The following DCDC2 variants were observed in gnomAD, a reference collection of about 807,000 sequenced individuals.
DCDC2 encodes doublecortin domain containing 2.
A neutral mutation model predicts 50.2 loss-of-function variants in DCDC2; 40 were observed. The ratio of observed to expected loss-of-function variants is 0.80; its 90% CI spans 0.62 to 1.04. The LOEUF (loss-of-function observed/expected upper bound fraction) is 1.04. Among genes scored for constraint, DCDC2 ranks in the 50% least tolerant of loss-of-function variants. The probability of loss-of-function intolerance (pLI) is 0.00; values close to 1 mark genes in which losing one functional copy is unlikely to be tolerated. For synonymous variants in DCDC2, 234 were observed against 210.6 expected, an observed-to-expected ratio of 1.11 and a Z score of -0.96; for missense variants, 570 against 581.9, an observed-to-expected ratio of 0.98 and a Z score of 0.21.
At chr6:24,342,477 A>AGCTGGGCAGC (rs1280807002) in intron 2 of DCDC2, among the ~76,000 whole-genome samples, 1 of 152,226 alleles carries the variant, frequency 6.6e-6, no homozygotes. Flanking sequence ...GGAGTGTGGC[A>AGCTGGGCAGC]GCTGGGCAGC....
chr6:24,224,505 CGT>C (rs1318401273), intron 7 of DCDC2, among the ~76,000 whole-genome samples: 4 of 152,222 alleles, frequency 2.6e-5, no homozygotes, highest in Admixed American at 2.0e-4. Flanking sequence ...ACTTGGTGAG[CGT>C]GTGTGTGCAT....
In DCDC2 at chr6:24,288,846, A is replaced by C; in HGVS notation, c.759+6T>G. ...AACATCAACGAGGAAAGCATCTGAT[A>C]CTTACACTCCCTTTAGACTTTCTGG... On this transcript the variant is annotated splice_donor_region_variant and intron_variant, in intron 6 of 9. Coordinates refer to ENST00000378454, the MANE Select transcript of DCDC2 (RefSeq NM_016356.5). 1 of 1,610,378 alleles carries C rather than the reference A, an allele frequency of 6.2e-7. No homozygotes were observed. The highest frequency in any genetic ancestry group is 8.5e-7 in the Non-Finnish European group (1 of 1,176,886).
intron 7 of DCDC2, among the ~76,000 whole-genome samples, chr6:24,276,213 A>G (rs1763354385): frequency 6.6e-6 from 1 of 152,144 alleles, no homozygotes; most frequent in South Asian, 2.1e-4. Flanking sequence ...TGAACAAGGG[A>G]TATGTTAATA....
chr6:24,189,653 A>G (rs985474564), intron 8 of DCDC2, among the ~76,000 whole-genome samples: 15 of 152,116 alleles, frequency 9.9e-5, no homozygotes, highest in African/African-American at 3.4e-4. Context: ...CACAAATTAG[A>G]ATTTTTTAGT....
At chr6:24,295,854 GTCATGGATAGGAAGAATTAGTA>G (rs1759222607) in intron 4 of DCDC2, among the ~76,000 whole-genome samples, 1 of 152,042 alleles carries the variant, frequency 6.6e-6, no homozygotes, top group Non-Finnish European at 1.5e-5. Context: ...ACAGCCCATG[GTCATGGATAGGAAGAATTAGTA>G]TCATGAAAAT....
chr6:24,341,967 A>ACACACAC lies in DCDC2; in HGVS notation c.348+11601_348+11602insGTGTGTG. Among the ~76,000 whole-genome samples, 2 of 117,346 alleles carry ACACACAC rather than the reference A, an allele frequency of 1.7e-5. 1 individual carries two copies. Among genetic ancestry groups the ACACACAC allele is most frequent in the Non-Finnish European group, 3.6e-5 (2 of 54,810 alleles). 77.0% of individuals were successfully genotyped at this position (117,346 alleles called of 152,430 possible). Reference sequence around the variant, plus strand: ...ACGCGTACACACACACACACACACAAACACACAGAGAATTTGTTCTACATT... The same window carrying ACACACAC: ...ACGCGTACACACACACACACACACAACACACACACACACAGAGAATTTGTTCTACATT... On this transcript the variant is annotated intron_variant, in intron 2 of 9. Transcript: ENST00000378454.
intron 9 of DCDC2, 69 bp from the exon 10 acceptor site, chr6:24,174,903 G>T: frequency 1.1e-6 from 1 of 871,118 alleles, no homozygotes; most frequent in East Asian, 2.6e-5. Context: ...CATTTATAAA[G>T]AAAAAATTAC....
rs910909814 is a variant in DCDC2 at position 24,327,056 on chromosome 6, T to C, written c.349-25012A>G. ...GCAAATTGGAGGCAACAAATGTCTA[T>C]GGATCCCTCTGTAACCATGAACAAG... On this transcript the variant is annotated intron_variant, in intron 2 of 9. Transcript: ENST00000378454. Among the ~76,000 whole-genome samples, 3 of 149,256 alleles carry C rather than the reference T, an allele frequency of 2.0e-5. No individual in the cohort carries two copies. The Admixed American group carries it at 2.0e-4, about 10-fold the overall frequency.
At chr6:24,306,539 T>C (rs56110647) in intron 2 of DCDC2, among the ~76,000 whole-genome samples, 5,623 of 107,820 alleles carry the variant, frequency 0.052, 124 homozygotes, top group Middle Eastern at 0.077. Flanking sequence ...GATAGATAGA[T>C]AGATAGACAG....
Position 24,302,294 on chromosome 6 carries a change from G to GAAAA in DCDC2, c.349-254_349-251dup, listed in dbSNP as rs34907724. ...CTAGGCACACTGCTCATGATCTGTG[G>GAAAA]AAAAAAAAAAAAAACAGAAATCATT... On this transcript the variant is annotated intron_variant, in intron 2 of 9. Transcript: ENST00000378454. 7.8e-4 allele frequency among the ~76,000 whole-genome samples: 108 copies of GAAAA among 138,742 alleles called. 1 individual carries two copies. Among genetic ancestry groups the GAAAA allele is most frequent in the African/African-American group, 2.6e-3 (97 of 37,448 alleles). The allele number at this position is 138,742 out of a possible 152,430, so 91.0% of individuals were successfully genotyped here.
At chr6:24,310,388 A>C (rs573257047) in intron 2 of DCDC2, among the ~76,000 whole-genome samples, 1 of 152,324 alleles carries the variant, frequency 6.6e-6, no homozygotes, top group East Asian at 1.9e-4. Context: ...TACTAACTGC[A>C]TAACTGGATA....
At chr6:24,348,164 G>A (rs1277513257) in intron 2 of DCDC2, among the ~76,000 whole-genome samples, 1 of 152,200 alleles carries the variant, frequency 6.6e-6, no homozygotes, top group Non-Finnish European at 1.5e-5. Flanking sequence ...TCCATAAAAT[G>A]ACAGTGACAA....
In DCDC2 at chr6:24,328,435, T is replaced by C. The variant is rs1759911587; in HGVS notation, c.348+25134A>G. Among the ~76,000 whole-genome samples, 10 of 152,246 alleles carry C rather than the reference T, an allele frequency of 6.6e-5. No homozygotes were observed. The South Asian group carries it at 2.1e-3, about 32-fold the overall frequency. On this transcript the variant is annotated intron_variant, in intron 2 of 9. Transcript: ENST00000378454. The stretch of plus-strand genomic sequence containing the variant: ...GGCCATAACTTGTATCTGAATATCT[T>C]AGGGCACAGGGGGAGTTTGTATAGT...
the DCDC2 span, among the ~76,000 whole-genome samples, chr6:24,374,161 CA>C: frequency 0.022 from 1,293 of 59,046 alleles, 12 homozygotes; most frequent in African/African-American, 0.05. Flanking sequence ...GACTCCATTT[CA>C]AAAAAAAAAA....
chr6:24,330,835 G>T (rs146738608), intron 2 of DCDC2, among the ~76,000 whole-genome samples: 5 of 152,160 alleles, frequency 3.3e-5, no homozygotes, highest in Admixed American at 6.5e-5. Context: ...TCAATACTGC[G>T]ATGAACCCTT....
Position 24,210,724 on chromosome 6 carries a change from T to C in DCDC2, c.923-5622A>G, listed in dbSNP as rs893459104. Among the ~76,000 whole-genome samples the C allele has an allele frequency of 5.9e-5, 9 of 152,192 alleles. No homozygotes were observed. The South Asian group carries it at 1.4e-3, about 24-fold the overall frequency. On this transcript the variant is annotated intron_variant, in intron 7 of 9. Coordinates refer to ENST00000378454, the MANE Select transcript of DCDC2 (RefSeq NM_016356.5). ...ACAATAGCCAAGTGCTCTTAATAGA[T>C]CATTTAAAAAGTGTTTAATTCCACA...
intron 1 of DCDC2, among the ~76,000 whole-genome samples, chr6:24,355,907 T>A (rs985503560): frequency 6.6e-6 from 1 of 152,222 alleles, no homozygotes; most frequent in Non-Finnish European, 1.5e-5. Context: ...TTTATTTGAA[T>A]TTTAATTATT....
intron 8 of DCDC2, among the ~76,000 whole-genome samples, chr6:24,180,120 A>G (rs983563198): frequency 1.3e-5 from 2 of 152,124 alleles, no homozygotes; most frequent in Non-Finnish European, 2.9e-5. Flanking sequence ...GAACGTAACA[A>G]AACTTCCATG....
chr6:24,366,297 A>G, the DCDC2 span, among the ~76,000 whole-genome samples: 21 of 152,342 alleles, frequency 1.4e-4, no homozygotes, highest in Middle Eastern at 6.8e-3. Flanking sequence ...TTCTACATAA[A>G]CCAAATACCG....
Sources: allele counts gnomAD v4.1 joint callset (sites outside exome capture counted in the v4.1 genomes callset), GRCh38; gene constraint gnomAD v4.1.1; transcripts MANE v1.5; gene names NCBI Gene and HGNC (gene_info 2026-07-23, HGNC 2026-07-21).